The following ERCC6 variants were observed in gnomAD, a reference collection of about 807,000 sequenced individuals.
ERCC6 encodes the protein DNA excision repair protein ERCC-6.
ERCC6 carries 116 observed loss-of-function variants against 158.7 expected under a neutral mutation model. The ratio of observed to expected loss-of-function variants is 0.73; its 90% CI spans 0.63 to 0.85. The LOEUF (loss-of-function observed/expected upper bound fraction) is 0.85. ERCC6 is among the 40% of genes least tolerant of loss of function. The pLI is 0.00. For synonymous variants in ERCC6, 678 were observed against 659.3 expected, an observed-to-expected ratio of 1.03 and a Z score of -0.43; for missense variants, 1,698 against 1,799.4, an observed-to-expected ratio of 0.94 and a Z score of 1.02.
chr10:49,516,887 A>G, intron 5 of ERCC6: 1 of 1,614,196 alleles, frequency 6.2e-7, no homozygotes, highest in African/African-American at 1.3e-5. Flanking sequence ...ATGAGGGATC[A>G]TCTGAGTCAG....
Position 49,455,921 on chromosome 10 carries a change from T to G in ERCC6, c.*2894A>C, listed in dbSNP as rs1347582449. On this transcript the variant is annotated 3_prime_UTR_variant, in exon 21 of 21. Coordinates refer to ENST00000355832, the MANE Select transcript of ERCC6 (RefSeq NM_000124.4). ...GGGTTTGGAGAAATGGGTCCTTTTA[T>G]GGAGGGTGAATTGATGCAAGCAATT... is the stretch of plus-strand genomic sequence containing the variant. 6.6e-6 allele frequency: 1 copy of G among 152,212 alleles called. No individual in the cohort carries two copies. Among genetic ancestry groups the G allele is most frequent in the Non-Finnish European group, 1.5e-5 (1 of 68,036 alleles). 9.4% of individuals were successfully genotyped at this position (152,212 alleles called of 1,614,324 possible).
At position 49,461,475 on chromosome 10, in the gene ERCC6, T is replaced by A. The variant is rs1477858337; in HGVS notation, c.3860A>T (p.Asn1287Ile). The A allele has an allele frequency of 4.3e-6, 7 of 1,614,050 alleles. No homozygotes were observed. The South Asian group carries it at 6.6e-5, about 15-fold the overall frequency. The change falls in exon 19 of 21, where the codon AAC (asparagine) becomes ATC (isoleucine). Residue 1287 changes from asparagine to isoleucine, a missense_variant. Transcript: ENST00000355832. ...TTTCAGGGCATCCTGGGCCACTCGG[T>A]TGGCTTCTGCCTCCACCAGTACATA... The part of the protein sequence containing the change: ...PDYVLVEAEA[N>I]RVAQDALKAL...
At chr10:49,452,185 G>A (rs574300024), downstream of ERCC6, among the ~76,000 whole-genome samples, 3 of 151,688 alleles carry the variant, frequency 2.0e-5, no homozygotes, top group East Asian at 5.8e-4. Flanking sequence ...AGTGACTTAA[G>A]GTGGAAGAAA....
At chr10:49,476,744 T>C (rs943190796) in intron 11 of ERCC6, among the ~76,000 whole-genome samples, 5 of 152,110 alleles carry the variant, frequency 3.3e-5, no homozygotes, top group Non-Finnish European at 5.9e-5. Flanking sequence ...TTACCAGACT[T>C]GCCTTGGACG....
intron 12 of ERCC6, among the ~76,000 whole-genome samples, chr10:49,474,711 G>A (rs548270039): frequency 6.6e-6 from 1 of 152,102 alleles, no homozygotes; most frequent in Non-Finnish European, 1.5e-5. Flanking sequence ...ATGAGTCAGA[G>A]GTTGAGGATC....
chr10:49,477,808 G>C (rs1437712295), intron 11 of ERCC6, among the ~76,000 whole-genome samples: 1 of 152,088 alleles, frequency 6.6e-6, no homozygotes, highest in Non-Finnish European at 1.5e-5. Context: ...GCCTTCTTTA[G>C]GCCTCTGCTC....
intron 11 of ERCC6, among the ~76,000 whole-genome samples, chr10:49,476,924 C>A (rs1309543811): frequency 6.6e-6 from 1 of 152,162 alleles, no homozygotes; most frequent in African/African-American, 2.4e-5. Context: ...CTTTCAACCC[C>A]CTGCATCTTC....
chr10:49,449,757 G>A (rs1023794721), downstream of ERCC6, among the ~76,000 whole-genome samples: 6 of 151,762 alleles, frequency 4.0e-5, no homozygotes, highest in African/African-American at 1.5e-4. Flanking sequence ...TCACCATATT[G>A]ACCAGGCTGC....
chr10:49,468,283 G>A (rs1850711872), intron 18 of ERCC6, among the ~76,000 whole-genome samples: 1 of 152,206 alleles, frequency 6.6e-6, no homozygotes, highest in Non-Finnish European at 1.5e-5. Context: ...GTGAATGCCA[G>A]CCACCCTGGC....
At position 49,495,960 on chromosome 10, in the gene ERCC6, T is replaced by C. The variant is rs141034381; in HGVS notation, c.1686-2708A>G. Among the ~76,000 whole-genome samples the C allele has an allele frequency of 1.1e-3, 164 of 152,286 alleles. 4 individuals carry two copies. The South Asian group carries it at 0.026, about 24-fold the overall frequency. On this transcript the variant is annotated intron_variant, in intron 7 of 20. Coordinates refer to ENST00000355832, the MANE Select transcript of ERCC6 (RefSeq NM_000124.4). ...CTGCCCACTGCTCTTGCGACAGAGA[T>C]TAAACACCTGGACGTGGCCTACGAG...
intron 10 of ERCC6, 122 bp downstream of exon 10, chr10:49,482,565 T>A: frequency 8.4e-5 from 51 of 607,582 alleles, no homozygotes; most frequent in Non-Finnish European, 1.3e-4. Flanking sequence ...TTTAACCAGA[T>A]ACCAATTTAT....
rs1850624804 is a variant in ERCC6, at chr10:49,463,798, C to T, written c.3779-2242G>A. Reference sequence around the variant, plus strand: ...TGCATAAGCTCTCTTTGCCTGCTGCCGTCCATGTAAGATGTGACTTGCTCC... The same window carrying T: ...TGCATAAGCTCTCTTTGCCTGCTGCTGTCCATGTAAGATGTGACTTGCTCC... On this transcript the variant is annotated intron_variant, in intron 18 of 20. Coordinates refer to ENST00000355832, the MANE Select transcript of ERCC6 (RefSeq NM_000124.4). 2.0e-5 allele frequency among the ~76,000 whole-genome samples: 3 copies of T among 152,156 alleles called. 1 individual carries two copies. Among genetic ancestry groups the T allele is most frequent in the East Asian group, 3.9e-4 (2 of 5,194 alleles).
intron 5 of ERCC6, among the ~76,000 whole-genome samples, chr10:49,507,269 T>C (rs2132584157): frequency 6.6e-6 from 1 of 152,260 alleles, no homozygotes; most frequent in Non-Finnish European, 1.5e-5. Flanking sequence ...AATTTACTTG[T>C]GATCAACAAG....
chr10:49,452,730 GCTTT>G (rs1227989146), downstream of ERCC6, among the ~76,000 whole-genome samples: 2 of 151,992 alleles, frequency 1.3e-5, no homozygotes, highest in African/African-American at 4.8e-5. Flanking sequence ...GTCAGTTTTT[GCTTT>G]CTGTGTTTTG....
At chr10:49,439,933 C>A in the ERCC6 span, among the ~76,000 whole-genome samples, 5 of 152,208 alleles carry the variant, frequency 3.3e-5, no homozygotes, top group African/African-American at 1.2e-4. Flanking sequence ...TCTGAGACCA[C>A]CTCAGTCTGG....
chr10:49,515,854 C>A (rs778263770), intron 5 of ERCC6: 2 of 1,614,068 alleles, frequency 1.2e-6, no homozygotes, highest in African/African-American at 2.7e-5. Flanking sequence ...GATGAGGCAA[C>A]AGTGACAACA....
In ERCC6 at chr10:49,478,488, A is replaced by G; in HGVS notation, c.2170-18T>C. ...GTTTTGACCTTTAATAAGAGCAGAG[A>G]AGGGAACATTACTATATATGTTTAA... On this transcript the variant is annotated intron_variant, in intron 10 of 20. Transcript: ENST00000355832. The G allele has an allele frequency of 7.0e-7, 1 of 1,424,190 alleles. No individual in the cohort carries two copies. Among genetic ancestry groups the G allele is most frequent in the Non-Finnish European group, 9.9e-7 (1 of 1,009,136 alleles). The allele number at this position is 1,424,190 out of a possible 1,614,324, so 88.2% of individuals were successfully genotyped here. A position where few individuals can be genotyped will look rare whatever the true frequency, so the allele number is the denominator to read the frequency against.
chr10:49,441,933 G>T, the ERCC6 span, among the ~76,000 whole-genome samples: 12 of 152,168 alleles, frequency 7.9e-5, no homozygotes, highest in African/African-American at 1.2e-4. Flanking sequence ...GCAAAACTTC[G>T]TCCTGTGAGT....
Position 49,508,150 on chromosome 10 carries a change from C to T in ERCC6, c.1398-2138G>A, listed in dbSNP as rs111647939. 1.2e-4 allele frequency among the ~76,000 whole-genome samples: 19 copies of T among 152,300 alleles called. 1 individual carries two copies. The highest frequency in any genetic ancestry group is 3.8e-4 in the African/African-American group (16 of 41,562). ...GATAACATAAACCTTGGAAGAATCACAGCCACTTAAACATACTTCACTTTG... is the reference window on the plus strand; with the variant it reads ...GATAACATAAACCTTGGAAGAATCATAGCCACTTAAACATACTTCACTTTG... On this transcript the variant is annotated intron_variant, in intron 5 of 20. Transcript: ENST00000355832.
Sources: allele counts gnomAD v4.1 joint callset (sites outside exome capture counted in the v4.1 genomes callset), GRCh38; gene constraint gnomAD v4.1.1; transcripts MANE v1.5; gene names NCBI Gene and HGNC (gene_info 2026-07-23, HGNC 2026-07-21).